UBE2H: variants seen among roughly 807,000 people sequenced by gnomAD.
UBE2H encodes ubiquitin-conjugating enzyme E2 H.
Under a neutral mutation model 29.0 loss-of-function variants are expected in UBE2H, and 3 were observed. That is an observed-to-expected ratio of 0.10 (90% CI 0.05 to 0.27). The LOEUF (loss-of-function observed/expected upper bound fraction) is 0.27. Ranked by LOEUF, UBE2H falls within the 10% of genes least tolerant of loss-of-function variation. The pLI is 1.00. For missense variants in UBE2H, 68 were observed against 228.2 expected (o/e 0.30, Z 4.52); for synonymous variants, 69 against 82.9 (o/e 0.83, Z 0.91).
intron 1 of UBE2H, among the ~76,000 whole-genome samples, chr7:129,927,849 C>A (rs986297641): frequency 6.6e-6 from 1 of 151,936 alleles, no homozygotes; most frequent in Admixed American, 6.6e-5. Flanking sequence ...TACCAAATTA[C>A]AGATAGATAA....
At chr7:129,845,900 A>G (rs1312679482) in intron 5 of UBE2H, among the ~76,000 whole-genome samples, 3 of 152,226 alleles carry the variant, frequency 2.0e-5, no homozygotes, top group African/African-American at 7.2e-5. Context: ...ACTAAAAGTG[A>G]CTATAAGATA....
chr7:129,927,664 C>A (rs1190421830), intron 1 of UBE2H, among the ~76,000 whole-genome samples: 2 of 152,204 alleles, frequency 1.3e-5, no homozygotes, highest in African/African-American at 2.4e-5. Context: ...TAATTCCCAG[C>A]ATCATGGATG....
chr7:129,885,189 G>C (rs1263525294), intron 1 of UBE2H, among the ~76,000 whole-genome samples: 1 of 152,276 alleles, frequency 6.6e-6, no homozygotes, highest in South Asian at 2.1e-4. Flanking sequence ...TCCAGAAGAA[G>C]TCAACTGAAT....
At chr7:129,884,373 T>C (rs1042242395) in intron 1 of UBE2H, among the ~76,000 whole-genome samples, 3 of 145,416 alleles carry the variant, frequency 2.1e-5, no homozygotes, top group Non-Finnish European at 4.5e-5. Context: ...GCCAAGAATG[T>C]GCCACTGCAT....
chr7:129,930,909 C>CAAAAA (rs71175050), intron 1 of UBE2H, among the ~76,000 whole-genome samples: 87 of 34,220 alleles, frequency 2.5e-3, no homozygotes, highest in Admixed American at 3.2e-3. Flanking sequence ...CCCCGTCTCA[C>CAAAAA]AAAAAAAAAA....
intron 1 of UBE2H, among the ~76,000 whole-genome samples, chr7:129,936,361 G>A (rs912647897): frequency 3.9e-5 from 6 of 152,024 alleles, no homozygotes; most frequent in East Asian, 3.9e-4. Context: ...TTGGGAGGCC[G>A]AGGCGGGCAG....
At position 129,834,191 on chromosome 7, in the gene UBE2H, A is replaced by T. The variant is rs1374822762; in HGVS notation, c.*746T>A. On this transcript the variant is annotated 3_prime_UTR_variant, in exon 7 of 7. Transcript: ENST00000355621. Reference sequence around the variant, plus strand: ...CCTCCTGTGCTGTCCTTTCAAAAACAGGTCTGGATTTCACGCTCTACCCCA... The same window carrying T: ...CCTCCTGTGCTGTCCTTTCAAAAACTGGTCTGGATTTCACGCTCTACCCCA... 3 of 152,154 alleles carry T rather than the reference A, an allele frequency of 2.0e-5. No homozygotes were observed. The highest frequency in any genetic ancestry group is 4.4e-5 in the Non-Finnish European group (3 of 68,026). The allele number at this position is 152,154 out of a possible 1,614,324, so 9.4% of individuals were successfully genotyped here.
At chr7:129,871,178 C>G (rs1224108095) in intron 3 of UBE2H, among the ~76,000 whole-genome samples, 2 of 152,132 alleles carry the variant, frequency 1.3e-5, no homozygotes, top group Admixed American at 1.3e-4. Flanking sequence ...TCTACAGCAC[C>G]CAGAATAACG....
In UBE2H at chr7:129,831,104, C is replaced by T. The variant is rs867300473; in HGVS notation, c.*3833G>A. 6.6e-6 allele frequency: 1 copy of T among 152,066 alleles called. No homozygotes were observed. The highest frequency in any genetic ancestry group is 1.5e-5 in the Non-Finnish European group (1 of 68,030). The allele number at this position is 152,066 out of a possible 1,614,324, so 9.4% of individuals were successfully genotyped here. ...ACCTGCGCATGACAGGGCCGGCTCC[C>T]CCTTCTCAAAGGGCTTCCTCCCACT... On this transcript the variant is annotated 3_prime_UTR_variant, in exon 7 of 7. Coordinates refer to ENST00000355621, the MANE Select transcript of UBE2H (RefSeq NM_003344.4).
At chr7:129,866,354 G>A (rs1584752992) in intron 3 of UBE2H, among the ~76,000 whole-genome samples, 1 of 152,332 alleles carries the variant, frequency 6.6e-6, no homozygotes, top group Middle Eastern at 3.4e-3. Flanking sequence ...TCCTTCAATA[G>A]CATAACCCTT....
intron 1 of UBE2H, among the ~76,000 whole-genome samples, chr7:129,916,130 A>G (rs1300347579): frequency 2.0e-5 from 3 of 152,198 alleles, no homozygotes; most frequent in Non-Finnish European, 2.9e-5. Flanking sequence ...AAATGACTTC[A>G]GCTTTTTTTA....
At chr7:129,913,942 A>G (rs1806991775) in intron 1 of UBE2H, among the ~76,000 whole-genome samples, 1 of 152,206 alleles carries the variant, frequency 6.6e-6, no homozygotes, top group Admixed American at 6.5e-5. Flanking sequence ...GATAACACTT[A>G]TAAAAGAACA....
chr7:129,940,780 TAC>T (rs908456949), intron 1 of UBE2H, among the ~76,000 whole-genome samples: 2 of 152,118 alleles, frequency 1.3e-5, no homozygotes, highest in African/African-American at 4.8e-5. Context: ...TCTGGTGAGG[TAC>T]AGAGAAGAAA....
intron 1 of UBE2H, among the ~76,000 whole-genome samples, chr7:129,893,451 C>T (rs555170739): frequency 4.7e-4 from 71 of 152,202 alleles, no homozygotes; most frequent in Non-Finnish European, 7.6e-4. Context: ...ACACCCCCAT[C>T]CCCAACAAAA....
intron 1 of UBE2H, among the ~76,000 whole-genome samples, chr7:129,899,442 C>T (rs1420885242): frequency 6.6e-6 from 1 of 152,170 alleles, no homozygotes; most frequent in African/African-American, 2.4e-5. Context: ...TTGCCAAACG[C>T]AGCTCAAATT....
chr7:129,880,802 A>G lies in UBE2H; in HGVS notation c.130+93T>C, dbSNP rs1396168553. The G allele has an allele frequency of 4.2e-6, 5 of 1,178,954 alleles. No individual in the cohort carries two copies. In the African/African-American group the frequency reaches 4.7e-5, roughly 11 times the overall value. The allele number at this position is 1,178,954 out of a possible 1,614,324, so 73.0% of individuals were successfully genotyped here. On this transcript the variant is annotated intron_variant, in intron 2 of 6. Transcript: ENST00000355621. The stretch of plus-strand genomic sequence containing the variant: ...CAGTCCAACTAAACTTGCTTTTCAG[A>G]AACTACGCATGCTACCATCTGTCTT...
At chr7:129,896,347 C>A (rs1382502236) in intron 1 of UBE2H, among the ~76,000 whole-genome samples, 1 of 151,212 alleles carries the variant, frequency 6.6e-6, no homozygotes, top group Non-Finnish European at 1.5e-5. Flanking sequence ...AAAAAAAAAA[C>A]AAAATCTTTA....
intron 1 of UBE2H, among the ~76,000 whole-genome samples, chr7:129,931,836 C>CTTT (rs372552075): frequency 1.9e-4 from 25 of 131,298 alleles, no homozygotes; most frequent in South Asian, 2.4e-4. Context: ...TTCTACTTTG[C>CTTT]TTTTTTTTTT....
chr7:129,891,010 C>T (rs1363469781), intron 1 of UBE2H, among the ~76,000 whole-genome samples: 1 of 151,660 alleles, frequency 6.6e-6, no homozygotes, highest in Non-Finnish European at 1.5e-5. Flanking sequence ...GTGGCGGGCG[C>T]TTGTAATCCC....
Sources: allele counts gnomAD v4.1 joint callset (sites outside exome capture counted in the v4.1 genomes callset), GRCh38; gene constraint gnomAD v4.1.1; transcripts MANE v1.5; gene names NCBI Gene and HGNC (gene_info 2026-07-23, HGNC 2026-07-21).